SPTLC3: variants seen among roughly 807,000 people sequenced by gnomAD.
SPTLC3 encodes the protein serine palmitoyltransferase long chain base subunit 3.
SPTLC3 carries 36 observed loss-of-function variants against 59.3 expected under a neutral mutation model. That is an observed-to-expected ratio of 0.61 (90% CI 0.47 to 0.80). The LOEUF (loss-of-function observed/expected upper bound fraction) is 0.80. SPTLC3 is among the 30% of genes least tolerant of loss of function. The pLI, the probability that SPTLC3 is intolerant of heterozygous loss-of-function variation, is 0.00. For synonymous variants in SPTLC3, 257 were observed against 240.8 expected (o/e 1.07, Z -0.62); for missense variants, 625 against 685.1 (o/e 0.91, Z 0.98).
chr20:13,114,302 T>C (rs1179227358), intron 7 of SPTLC3, among the ~76,000 whole-genome samples: 1 of 152,236 alleles, frequency 6.6e-6, no homozygotes, highest in East Asian at 1.9e-4. Flanking sequence ...TATGTTTTCA[T>C]TAAGTATCAT....
intron 4 of SPTLC3, chr20:13,079,710 T>C (rs778505524): frequency 1.5e-4 from 68 of 466,316 alleles, no homozygotes; most frequent in Non-Finnish European, 1.8e-5. Flanking sequence ...CAAACCCTGC[T>C]CAGTTCTACA....
chr20:13,153,816 T>A (rs6033626), intron 9 of SPTLC3, among the ~76,000 whole-genome samples, 187 bp from the exon 10 acceptor site: 1 of 152,086 alleles, frequency 6.6e-6, no homozygotes, highest in Non-Finnish European at 1.5e-5. Context: ...GCCTTCCAGG[T>A]GCAAGGTAGT....
chr20:13,070,372 A>T (rs1023628705), intron 2 of SPTLC3, among the ~76,000 whole-genome samples: 1 of 152,204 alleles, frequency 6.6e-6, no homozygotes, highest in Non-Finnish European at 1.5e-5. Context: ...GGATGAAGTG[A>T]CAGAACGATC....
At position 13,093,644 on chromosome 20, in the gene SPTLC3, G is replaced by A. The variant is rs1199653198; in HGVS notation, c.826+67G>A. The A allele has an allele frequency of 3.4e-6, 5 of 1,456,480 alleles. No homozygotes were observed. In the East Asian group the frequency reaches 9.2e-5, roughly 27 times the overall value. 90.2% of individuals were successfully genotyped at this position (1,456,480 alleles called of 1,614,324 possible). On this transcript the variant is annotated intron_variant, in intron 6 of 11. Transcript: ENST00000399002. The stretch of plus-strand genomic sequence containing the variant: ...CTAGAAGAAAGTAAAGATTATTGAT[G>A]AGGCTTTGTTCTGCTCTTCAAGGTG...
intron 4 of SPTLC3, among the ~76,000 whole-genome samples, chr20:13,088,456 T>G: frequency 6.6e-6 from 1 of 152,010 alleles, no homozygotes. Flanking sequence ...TGCCTCAGCC[T>G]CCCGAGTAGC....
intron 4 of SPTLC3, among the ~76,000 whole-genome samples, chr20:13,087,188 G>A (rs773752418): frequency 2.6e-5 from 4 of 152,152 alleles, no homozygotes; most frequent in Non-Finnish European, 4.4e-5. Context: ...CTCATGAGTC[G>A]GCTGGCTGTT....
At chr20:13,038,140 T>C (rs769441465) in intron 1 of SPTLC3, among the ~76,000 whole-genome samples, 18 of 151,586 alleles carry the variant, frequency 1.2e-4, no homozygotes, top group Non-Finnish European at 2.4e-4. Flanking sequence ...ATTATTGGTC[T>C]GTAGTTTTCT....
chr20:13,153,300 G>T (rs113911744), intron 9 of SPTLC3, among the ~76,000 whole-genome samples: 2 of 152,152 alleles, frequency 1.3e-5, no homozygotes, highest in Non-Finnish European at 2.9e-5. Flanking sequence ...TAGGACACAG[G>T]CTATAAGAGC....
chr20:13,069,512 G>A (rs953126724), intron 2 of SPTLC3, among the ~76,000 whole-genome samples: 9 of 152,192 alleles, frequency 5.9e-5, no homozygotes, highest in East Asian at 1.9e-4. Context: ...TAGACCCCTC[G>A]CATGCGCAGT....
chr20:13,040,766 G>T (rs942728856), intron 1 of SPTLC3, among the ~76,000 whole-genome samples: 1 of 151,786 alleles, frequency 6.6e-6, no homozygotes, highest in Non-Finnish European at 1.5e-5. Context: ...CTTCTTGAAA[G>T]GTGGGTCTGC....
At chr20:13,135,582 G>A (rs1172127283) in intron 9 of SPTLC3, among the ~76,000 whole-genome samples, 1 of 152,072 alleles carries the variant, frequency 6.6e-6, no homozygotes, top group East Asian at 1.9e-4. Flanking sequence ...CACTTACTTT[G>A]CCTACTGGCT....
chr20:13,110,107 T>G lies in SPTLC3; in HGVS notation c.827-5T>G, dbSNP rs760364228. 6.3e-7 allele frequency: 1 copy of G among 1,597,296 alleles called. No homozygotes were observed. The highest frequency in any genetic ancestry group is 1.1e-5 in the South Asian group (1 of 87,502). On this transcript the variant is annotated splice_polypyrimidine_tract_variant and splice_region_variant and intron_variant, in intron 6 of 11. Coordinates refer to ENST00000399002, the MANE Select transcript of SPTLC3 (RefSeq NM_018327.4). The stretch of plus-strand genomic sequence containing the variant: ...CTCAATTTTTTTTTTTGGTATTATT[T>G]AAAGACACACAAAGCCTAGAGAAGC...
chr20:13,012,725 T>C (rs1985320506), intron 1 of SPTLC3, among the ~76,000 whole-genome samples: 1 of 152,168 alleles, frequency 6.6e-6, no homozygotes, highest in African/African-American at 2.4e-5. Context: ...TGGGGAAAGA[T>C]AAATCACTAA....
rs367557160 is a variant in SPTLC3, at chr20:13,110,197, C to T, written c.912C>T (p.Ile304=). 1.1e-4 allele frequency: 182 copies of T among 1,613,418 alleles called. 1 individual carries two copies. The highest frequency in any genetic ancestry group is 1.5e-4 in the Non-Finnish European group (175 of 1,179,728). ...RTRRAWKKIL[I]LVEGVYSMEG... is the part of the protein sequence containing the mutation. ...GCAGAGCTTGGAAAAAGATTCTCAT[C>T]CTGGTGGAGGGTGTCTACAGGTATG... The change falls in exon 7 of 12, where the codon ATC becomes ATT. Residue 304 remains isoleucine, a synonymous_variant. Coordinates refer to ENST00000399002, the MANE Select transcript of SPTLC3 (RefSeq NM_018327.4).
chr20:13,057,788 C>A (rs1234579792), intron 2 of SPTLC3, among the ~76,000 whole-genome samples: 1 of 152,150 alleles, frequency 6.6e-6, no homozygotes, highest in Non-Finnish European at 1.5e-5. Context: ...TAAAAGACAA[C>A]TTTAGAGTTG....
chr20:13,075,122 C>T (rs1003457050), intron 4 of SPTLC3, among the ~76,000 whole-genome samples: 3 of 138,440 alleles, frequency 2.2e-5, no homozygotes, highest in Non-Finnish European at 3.1e-5. Flanking sequence ...AGAGGGAGAG[C>T]GTTCATTTAT....
At chr20:13,027,787 T>A (rs1240687379) in intron 1 of SPTLC3, among the ~76,000 whole-genome samples, 1 of 152,176 alleles carries the variant, frequency 6.6e-6, no homozygotes, top group Non-Finnish European at 1.5e-5. Context: ...CAAAGAATAA[T>A]ACTGATTTCT....
intron 4 of SPTLC3, among the ~76,000 whole-genome samples, chr20:13,089,972 T>C (rs1989158474): frequency 6.6e-6 from 1 of 152,198 alleles, no homozygotes; most frequent in Non-Finnish European, 1.5e-5. Context: ...AAATGCAGTT[T>C]ACTATGCTTT....
In SPTLC3 at chr20:13,154,027, C is replaced by G. The variant is rs573867126; in HGVS notation, c.1304C>G (p.Ala435Gly). Residue 435 changes from alanine to glycine, a missense_variant, in exon 10 of 12, where the codon GCG (alanine) becomes GGG (glycine). By Grantham distance (60) the Ala-to-Gly change is moderately conservative (BLOSUM62 0). Transcript: ENST00000399002. ...TQGLQRVQQL[A>G]KNTRYFRQRL... The stretch of plus-strand genomic sequence containing the variant: ...GGGCTGCAGAGAGTACAGCAACTTG[C>G]GAAAAACACAAGATACTTCAGACAA... 1.9e-6 allele frequency: 3 copies of G among 1,613,988 alleles called. No individual in the cohort carries two copies. Among genetic ancestry groups the G allele is most frequent in the South Asian group, 2.2e-5 (2 of 91,074 alleles).
Sources: gnomAD v4.1 joint callset for allele counts (sites outside exome capture counted in the v4.1 genomes callset) on GRCh38, gnomAD v4.1.1 for gene constraint, MANE v1.5 for transcripts, NCBI Gene and HGNC (gene_info 2026-07-23, HGNC 2026-07-21) for gene names.